Variants in DLG4 observed in about 807,000 individuals in gnomAD.
The protein encoded by DLG4 is disks large homolog 4.
In DLG4, 7 loss-of-function variants were observed where a neutral mutation model predicts 93.8. The observed-to-expected ratio is 0.07, with a 90% confidence interval of 0.04 to 0.14. DLG4 has a LOEUF of 0.14. Ranked by LOEUF, DLG4 falls within the 10% of genes least tolerant of loss-of-function variation. DLG4 has a pLI of 1.00. For synonymous variants in DLG4, 341 were observed against 387.6 expected (o/e 0.88, Z 1.41); for missense variants, 545 against 992.9 (o/e 0.55, Z 6.06).
At chr17:7,197,889 G>A (rs1185553995) in intron 8 of DLG4, among the ~76,000 whole-genome samples, 3 of 152,132 alleles carry the variant, frequency 2.0e-5, no homozygotes, top group Non-Finnish European at 2.9e-5. Context: ...TCATTCTGGA[G>A]GCTTGATCAG....
chr17:7,196,690 C>T lies in DLG4; in HGVS notation c.1083+67G>A. 1 of 1,580,572 alleles carries T rather than the reference C, an allele frequency of 6.3e-7. No homozygotes were observed. Among genetic ancestry groups the T allele is most frequent in the South Asian group, 1.1e-5 (1 of 87,920 alleles). ...TCGGCTGCAGCCCATCCAGGCCCCT[C>T]CCCAAGAGCTCTGCGCTCTGCCCTG... On this transcript the variant is annotated intron_variant, in intron 9 of 19. Coordinates refer to ENST00000399506, the MANE Select transcript of DLG4 (RefSeq NM_001321075.3). This position sits in a 1 kb window ranked among gnomAD's most constrained non-coding sequence, Gnocchi z 8.3.
In DLG4 at chr17:7,210,449, C is replaced by A. The variant is rs2070662794; in HGVS notation, c.31-2210G>T. 5.3e-5 allele frequency among the ~76,000 whole-genome samples: 8 copies of A among 152,302 alleles called. 1 individual carries two copies. In the South Asian group the frequency reaches 1.7e-3, roughly 32 times the overall value. ...AGAATCCTGAACTCCAGATTTCAAT[C>A]CGATGGGCACAAAAAGTAGAGAAGG... is the stretch of plus-strand genomic sequence containing the variant. On this transcript the variant is annotated intron_variant, in intron 1 of 19. Transcript: ENST00000399506.
Position 7,203,467 on chromosome 17 carries a change from CG to C in DLG4, c.461del (p.Pro154ArgfsTer25). On this transcript the variant is annotated frameshift_variant, in exon 6 of 20. Transcript: ENST00000399506. LOFTEE classifies it high-confidence loss of function. This position sits in a 1 kb window ranked among gnomAD's most constrained non-coding sequence, Gnocchi z 7.2. The stretch of plus-strand genomic sequence containing the variant: ...GCTTGATCTCCATGACCTTCTCAGC[CG>C]GGGGCTTCCGGCGCATGACATAGAG... The part of the protein sequence containing the change: ...VRLYVMRRKP[P>X]AEKVMEIKLI... The C allele has an allele frequency of 6.2e-7, 1 of 1,612,522 alleles. No individual in the cohort carries two copies. Among genetic ancestry groups the C allele is most frequent in the Non-Finnish European group, 8.5e-7 (1 of 1,178,718 alleles).
rs541638409 is a variant in DLG4, at chr17:7,195,750, C to G, written c.1301+470G>C. Among the ~76,000 whole-genome samples, 1 of 152,194 alleles carries G rather than the reference C, an allele frequency of 6.6e-6. No homozygotes were observed. Among genetic ancestry groups the G allele is most frequent in the African/African-American group, 2.4e-5 (1 of 41,530 alleles). ...GGAGAGAGGTGTGTTTTGGCAGAAA[C>G]CTAAGCCACAAAAAGAGTCAATGGA... On this transcript the variant is annotated intron_variant, in intron 11 of 19. Transcript: ENST00000399506. The surrounding 1 kb of genome is among the most constrained non-coding windows in gnomAD (Gnocchi z 4.3).
chr17:7,211,712 G>C, intron 1 of DLG4: 1 of 911,974 alleles, frequency 1.1e-6, no homozygotes, highest in Non-Finnish European at 1.3e-6. Flanking sequence ...AGAAGGGGAG[G>C]GGGACTGAGG....
In DLG4 at chr17:7,190,548, G is replaced by C; in HGVS notation, c.*160C>G. On this transcript the variant is annotated 3_prime_UTR_variant, in exon 20 of 20. Transcript: ENST00000399506. ...TCTGGGGTGCGGGGATACATGCAGAGGAGTGTCCCCCCTCCAACAGGCTGG... is the reference window on the plus strand; with the variant it reads ...TCTGGGGTGCGGGGATACATGCAGACGAGTGTCCCCCCTCCAACAGGCTGG... The C allele has an allele frequency of 1.6e-6, 1 of 643,454 alleles. No individual in the cohort carries two copies. The highest frequency in any genetic ancestry group is 2.8e-6 in the Non-Finnish European group (1 of 356,296). The allele number at this position is 643,454 out of a possible 1,614,324, so 39.9% of individuals were successfully genotyped here. A position where few individuals can be genotyped will look rare whatever the true frequency, so the allele number is the denominator to read the frequency against.
chr17:7,188,165 G>A lies in DLG4; in HGVS notation c.*2543C>T, dbSNP rs765049956. ...AGCTTTCCAGAAATGCAGACCCCTG[G>A]TCCCTATCCCCAGGATCCTGATGGA... On this transcript the variant is annotated 3_prime_UTR_variant, in exon 20 of 20. Transcript: ENST00000399506. 2.7e-4 allele frequency among the ~76,000 whole-genome samples: 41 copies of A among 151,986 alleles called. No homozygotes were observed. The Middle Eastern group carries it at 0.01, about 38-fold the overall frequency.
At position 7,189,111 on chromosome 17, in the gene DLG4, C is replaced by CAA. The variant is rs542699194; in HGVS notation, c.*1595_*1596dup. Among the ~76,000 whole-genome samples the CAA allele has an allele frequency of 3.2e-4, 20 of 63,084 alleles. No individual in the cohort carries two copies. Among genetic ancestry groups the CAA allele is most frequent in the African/African-American group, 1.3e-3 (20 of 15,824 alleles). 41.4% of individuals were successfully genotyped at this position (63,084 alleles called of 152,430 possible). On this transcript the variant is annotated 3_prime_UTR_variant, in exon 20 of 20. Transcript: ENST00000399506. ...TGAGCGAAAGAGCGAAACTCTGTCT[C>CAA]AAAAAAAAAAAAAAAAGGGTGGGGG...
chr17:7,218,449 T>C, upstream of DLG4: 1 of 1,420,676 alleles, frequency 7.0e-7, no homozygotes, highest in Non-Finnish European at 9.7e-7. Flanking sequence ...GTGCTCCAGC[T>C]TGGACCAAAT....
upstream of DLG4, chr17:7,218,945 C>T (rs1353768786): frequency 1.5e-6 from 2 of 1,364,694 alleles, no homozygotes; most frequent in African/African-American, 2.9e-5. Context: ...AGTAGGCCGT[C>T]TCTGAGCCGA....
intron 8 of DLG4, among the ~76,000 whole-genome samples, chr17:7,200,527 C>T (rs556098612): frequency 4.1e-5 from 6 of 145,130 alleles, no homozygotes; most frequent in African/African-American, 1.2e-4. Context: ...ATTTATCTTA[C>T]AAATAGCCAC....
At chr17:7,205,168 T>C (rs1027319797) in intron 2 of DLG4, 4 of 985,288 alleles carry the variant, frequency 4.1e-6, no homozygotes, top group Non-Finnish European at 3.6e-6. Flanking sequence ...CCCTACGCAG[T>C]GCAAAGGACG....
upstream of DLG4, chr17:7,219,556 T>G: frequency 9.1e-7 from 1 of 1,097,194 alleles, no homozygotes; most frequent in Admixed American, 4.6e-5. Flanking sequence ...AACCCTAGAG[T>G]CTGTCTTTCC....
chr17:7,203,364 G>A lies in DLG4; in HGVS notation c.506-35C>T. The A allele has an allele frequency of 6.3e-7, 1 of 1,592,306 alleles. No individual in the cohort carries two copies. The highest frequency in any genetic ancestry group is 1.3e-5 in the African/African-American group (1 of 74,578). ...GGGGAGGCCAGAGGTGGGTGCCCAG[G>A]AAGCAGGCTTGGGGGCACAGGACAG... On this transcript the variant is annotated intron_variant, in intron 6 of 19. Transcript: ENST00000399506. This position sits in a 1 kb window ranked among gnomAD's most constrained non-coding sequence, Gnocchi z 7.2.
At chr17:7,212,875 C>T (rs111501144) in intron 1 of DLG4, among the ~76,000 whole-genome samples, 3,360 of 151,988 alleles carry the variant, frequency 0.022, 145 homozygotes, top group African/African-American at 0.077. Context: ...TCTACTAAAA[C>T]TACAAAAATT....
At chr17:7,215,307 G>A (rs2070863105) in intron 1 of DLG4, among the ~76,000 whole-genome samples, 2 of 152,192 alleles carry the variant, frequency 1.3e-5, no homozygotes, top group South Asian at 4.1e-4. Flanking sequence ...TCAACCCTGG[G>A]CTCCATGGAA....
chr17:7,188,431 T>C lies in DLG4; in HGVS notation c.*2277A>G, dbSNP rs984193842. 1.3e-5 allele frequency among the ~76,000 whole-genome samples: 2 copies of C among 152,120 alleles called. No homozygotes were observed. The highest frequency in any genetic ancestry group is 2.9e-5 in the Non-Finnish European group (2 of 68,020). ...AACCACCATAACTCTTAGGGCCCTC[T>C]GCCTCAGCCTTACCCACTGGAGCAC... is the stretch of plus-strand genomic sequence containing the variant. On this transcript the variant is annotated 3_prime_UTR_variant, in exon 20 of 20. Coordinates refer to ENST00000399506, the MANE Select transcript of DLG4 (RefSeq NM_001321075.3).
chr17:7,193,579 A>T lies in DLG4; in HGVS notation c.1597T>A (p.Tyr533Asn). Residue 533 changes from tyrosine to asparagine, a missense_variant, in exon 16 of 20, where the codon TAT becomes AAT. Physicochemically the swap from Tyr to Asn is moderately radical, Grantham distance 143. This residue lies in a region of DLG4 where 428 missense variants were observed against 741.4 expected (regional missense o/e 0.58). Transcript: ENST00000399506. This position sits in a 1 kb window ranked among gnomAD's most constrained non-coding sequence, Gnocchi z 6.7. ...YETVTQMEVH[Y>N]ARPIIILGPT... ...CCAAGGATGATGATGGGGCGAGCAT[A>T]GTGCACTGCAGAGAGAGCCTGGCTT... 1 of 1,524,636 alleles carries T rather than the reference A, an allele frequency of 6.6e-7. No individual in the cohort carries two copies. The highest frequency in any genetic ancestry group is 1.4e-5 in the African/African-American group (1 of 71,854). The allele number at this position is 1,524,636 out of a possible 1,614,324, so 94.4% of individuals were successfully genotyped here. A position where few individuals can be genotyped will look rare whatever the true frequency, so the allele number is the denominator to read the frequency against.
In DLG4 at chr17:7,208,724, T is replaced by G. The variant is rs1436058286; in HGVS notation, c.31-485A>C. ...CCCCTACCCCTCTGGCTGCTCCTAC[T>G]CTGCATGGCATCCTCCCCGCGCCCC... is the stretch of plus-strand genomic sequence containing the variant. On this transcript the variant is annotated intron_variant, in intron 1 of 19. Transcript: ENST00000399506. This position sits in a 1 kb window ranked among gnomAD's most constrained non-coding sequence, Gnocchi z 5.4. Among the ~76,000 whole-genome samples, 1 of 151,678 alleles carries G rather than the reference T, an allele frequency of 6.6e-6. No individual in the cohort carries two copies. Among genetic ancestry groups the G allele is most frequent in the Non-Finnish European group, 1.5e-5 (1 of 67,926 alleles).
Sources: gnomAD v4.1 joint callset for allele counts (sites outside exome capture counted in the v4.1 genomes callset) on GRCh38, gnomAD v4.1.1 for gene constraint, gnomAD v4.1.1 regional missense constraint, Gnocchi (gnomAD v3.1) non-coding constraint, MANE v1.5 for transcripts, NCBI Gene and HGNC (gene_info 2026-07-23, HGNC 2026-07-21) for gene names.